Variants in SH3KBP1 observed in about 807,000 individuals in gnomAD.
The protein encoded by SH3KBP1 is SH3 domain-containing kinase-binding protein 1.
SH3KBP1 carries 8 observed loss-of-function variants against 50.1 expected under a neutral mutation model. That is an observed-to-expected ratio of 0.16 (90% CI 0.09 to 0.29). The LOEUF (loss-of-function observed/expected upper bound fraction) is 0.29, where lower values mean the gene tolerates loss of function less well. Ranked by LOEUF, SH3KBP1 falls within the 10% of genes least tolerant of loss-of-function variation. The pLI, the probability that SH3KBP1 is intolerant of heterozygous loss-of-function variation, is 1.00. For missense variants in SH3KBP1, 377 were observed against 535.2 expected, an observed-to-expected ratio of 0.70 and a Z score of 2.92; for synonymous variants, 227 against 218.6, an observed-to-expected ratio of 1.04 and a Z score of -0.34.
At chrX:19,780,457 T>G (rs1236409361) in intron 2 of SH3KBP1, among the ~76,000 whole-genome samples, 1 of 97,353 alleles carries the variant, frequency 1.0e-5, no homozygotes, top group Non-Finnish European at 2.1e-5. Flanking sequence ...TTAGATCCCA[T>G]TTGTCAATTT....
chrX:19,747,727 C>T (rs2064958180), intron 2 of SH3KBP1: 1 of 338,110 alleles, frequency 3.0e-6, no homozygotes, highest in Non-Finnish European at 5.9e-6. Context: ...CCTCCCTCAC[C>T]AGGGCCCCAC....
intron 11 of SH3KBP1, among the ~76,000 whole-genome samples, chrX:19,590,058 A>G (rs1198074805): frequency 9.0e-6 from 1 of 111,153 alleles, no homozygotes; most frequent in African/African-American, 3.3e-5. Flanking sequence ...GCAGTGAGCT[A>G]CAATCGCACC....
intron 2 of SH3KBP1, among the ~76,000 whole-genome samples, chrX:19,760,247 C>T (rs1285942268): frequency 9.2e-6 from 1 of 108,791 alleles, no homozygotes; most frequent in Admixed American, 9.9e-5. Context: ...ATAAGCCAGG[C>T]GCGGTGGCAG....
chrX:19,679,673 G>A (rs1431972757), intron 6 of SH3KBP1, among the ~76,000 whole-genome samples: 1 of 111,166 alleles, frequency 9.0e-6, no homozygotes, highest in African/African-American at 3.3e-5. Flanking sequence ...AATAGAGTGT[G>A]ATGAACCCCC....
At position 19,684,164 on chromosome X, in the gene SH3KBP1, C is replaced by G. The variant is rs773968565; in HGVS notation, c.521-136G>C. 163 of 479,279 alleles carry G rather than the reference C, an allele frequency of 3.4e-4. 1 individual carries two copies. The highest frequency in any genetic ancestry group is 2.3e-3 in the Admixed American group (63 of 27,904). The allele number at this position is 479,279 out of a possible 1,213,427, so 39.5% of individuals were successfully genotyped here. ...ATAACTTGCACTAGGCTTTTGTATTCAGTATGTTGAGTAGTTTGACTGGCT... is the reference window on the plus strand; with the variant it reads ...ATAACTTGCACTAGGCTTTTGTATTGAGTATGTTGAGTAGTTTGACTGGCT... On this transcript the variant is annotated intron_variant, in intron 5 of 17. Transcript: ENST00000397821.
chrX:19,623,640 C>T (rs373200489), intron 8 of SH3KBP1, among the ~76,000 whole-genome samples: 65 of 112,277 alleles, frequency 5.8e-4, no homozygotes, highest in South Asian at 2.2e-3. Context: ...GCCAAGATCA[C>T]GCCATTGCAC....
At chrX:19,555,082 A>G (rs1056314027) in intron 13 of SH3KBP1, among the ~76,000 whole-genome samples, 6 of 113,016 alleles carry the variant, frequency 5.3e-5, no homozygotes, top group Non-Finnish European at 1.1e-4. Flanking sequence ...GAAACTTGAT[A>G]TGAGCTTTCT....
intron 6 of SH3KBP1, among the ~76,000 whole-genome samples, chrX:19,678,914 C>A: frequency 8.9e-6 from 1 of 111,985 alleles, no homozygotes. Flanking sequence ...ACGAGTCTCA[C>A]AAGACTCTTC....
chrX:19,571,192 G>GT (rs748813670), intron 12 of SH3KBP1, among the ~76,000 whole-genome samples: 1 of 112,446 alleles, frequency 8.9e-6, no homozygotes, highest in South Asian at 3.7e-4. Context: ...TGTCCTGGGA[G>GT]TGTGTGCTAT....
intron 2 of SH3KBP1, among the ~76,000 whole-genome samples, chrX:19,789,762 G>A (rs1485178812): frequency 1.8e-5 from 2 of 109,442 alleles, no homozygotes; most frequent in Non-Finnish European, 1.9e-5. Context: ...AGCCCCTTAG[G>A]GAAAAAGCCA....
rs59323105 is a variant in SH3KBP1 at position 19,565,051 on chromosome X, ATTTTTTT to A, written c.1384+4045_1384+4051del. Among the ~76,000 whole-genome samples, 27 of 66,520 alleles carry A rather than the reference ATTTTTTT, an allele frequency of 4.1e-4. No individual in the cohort carries two copies. In the South Asian group the frequency reaches 0.013, roughly 31 times the overall value. 57.8% of individuals were successfully genotyped at this position (66,520 alleles called of 115,157 possible). On this transcript the variant is annotated intron_variant, in intron 13 of 17. Coordinates refer to ENST00000397821, the MANE Select transcript of SH3KBP1 (RefSeq NM_031892.3). The stretch of plus-strand genomic sequence containing the variant: ...TCAGAGAGACCTGGCTTCAACTCCA[ATTTTTTT>A]TTTTTTTTTTTTTTTTTTTTGAGGC...
intron 1 of SH3KBP1, among the ~76,000 whole-genome samples, chrX:19,861,662 A>G (rs1332371000): frequency 9.0e-6 from 1 of 111,372 alleles, no homozygotes; most frequent in East Asian, 2.8e-4. Flanking sequence ...AAAATAGGTG[A>G]TCTTTACAGA....
chrX:19,713,226 AAAAC>A (rs1301089296), intron 3 of SH3KBP1, among the ~76,000 whole-genome samples: 1 of 110,620 alleles, frequency 9.0e-6, no homozygotes, highest in Non-Finnish European at 1.9e-5. Context: ...CAAAAAAAAC[AAAAC>A]AAACAAACAA....
At chrX:19,592,247 A>G in intron 10 of SH3KBP1, 100 bp from the exon 11 acceptor site, 1 of 707,961 alleles carries the variant, frequency 1.4e-6, no homozygotes, top group Non-Finnish European at 2.1e-6. Flanking sequence ...AAAGTCAGTA[A>G]GATTTTTTCC....
At chrX:19,703,450 G>A (rs1408059586) in intron 4 of SH3KBP1, among the ~76,000 whole-genome samples, 1 of 111,731 alleles carries the variant, frequency 9.0e-6, no homozygotes. Context: ...ATGCACTATG[G>A]ATGCAGAGAT....
intron 6 of SH3KBP1, among the ~76,000 whole-genome samples, chrX:19,678,116 G>A (rs59577107): frequency 6.9e-4 from 77 of 111,616 alleles, no homozygotes; most frequent in African/African-American, 2.4e-3. Flanking sequence ...AGGCCCATTT[G>A]CCTCTCACAC....
chrX:19,609,761 C>T lies in SH3KBP1; in HGVS notation c.898-1716G>A, dbSNP rs2067353819. ...AAGGTGAGGAGCACATCTGACTTTT[C>T]ACCATTATACCCCCAGCCATGTACA... On this transcript the variant is annotated intron_variant, in intron 8 of 17. Coordinates refer to ENST00000397821, the MANE Select transcript of SH3KBP1 (RefSeq NM_031892.3). 3.6e-5 allele frequency among the ~76,000 whole-genome samples: 4 copies of T among 112,042 alleles called. No homozygotes were observed. The South Asian group carries it at 1.5e-3, about 42-fold the overall frequency.
intron 13 of SH3KBP1, among the ~76,000 whole-genome samples, chrX:19,554,075 T>TATTAAAATATAA (rs2065364435): frequency 1.8e-5 from 1 of 56,607 alleles, no homozygotes; most frequent in African/African-American, 9.3e-5. Context: ...TTAAAATACA[T>TATTAAAATATAA]TATATATATT....
chrX:19,594,895 A>G (rs2066852206), intron 10 of SH3KBP1, 54 bp downstream of exon 10: 1 of 891,602 alleles, frequency 1.1e-6, no homozygotes, highest in Non-Finnish European at 1.7e-6. Context: ...TGATTTGAAT[A>G]TATGCAAAAA....
Sources: gnomAD v4.1 joint callset for allele counts (sites outside exome capture counted in the v4.1 genomes callset) on GRCh38, gnomAD v4.1.1 for gene constraint, MANE v1.5 for transcripts, NCBI Gene and HGNC (gene_info 2026-07-23, HGNC 2026-07-21) for gene names.